The following SRRM1 variants were observed in gnomAD, a reference collection of about 807,000 sequenced individuals.
SRRM1 encodes serine/arginine repetitive matrix protein 1.
SRRM1 carries 19 observed loss-of-function variants against 110.2 expected under a neutral mutation model. The observed-to-expected ratio is 0.17, with a 90% CI of 0.12 to 0.25. The LOEUF is 0.25. Ranked by LOEUF, SRRM1 falls within the 10% of genes least tolerant of loss-of-function variation. The probability of loss-of-function intolerance (pLI) is 1.00; values close to 1 mark genes in which losing one functional copy is unlikely to be tolerated. For synonymous variants in SRRM1, 443 were observed against 414.9 expected, an observed-to-expected ratio of 1.07 and a Z score of -0.82; for missense variants, 918 against 1,145.8, an observed-to-expected ratio of 0.80 and a Z score of 2.87.
At chr1:24,669,930 G>T (rs1049397399) in intron 14 of SRRM1, 190 bp from the exon 15 acceptor site, 4 of 597,604 alleles carry the variant, frequency 6.7e-6, no homozygotes, top group Non-Finnish European at 1.2e-5. Flanking sequence ...ATAGATAGAG[G>T]ATTATGGGGC....
intron 12 of SRRM1, among the ~76,000 whole-genome samples, chr1:24,665,827 T>C (rs993219397): frequency 2.6e-5 from 4 of 152,234 alleles, no homozygotes; most frequent in African/African-American, 9.6e-5. Context: ...GTGGTGACTT[T>C]TAGGATTTTG....
chr1:24,652,386 C>A (rs770768135), intron 6 of SRRM1, 48 bp from the exon 7 acceptor site: 4 of 1,304,024 alleles, frequency 3.1e-6, no homozygotes, highest in Non-Finnish European at 3.1e-6. Context: ...ATTTAGAAGG[C>A]TGAGTACAAG....
chr1:24,649,594 A>T (rs535483894), intron 4 of SRRM1, among the ~76,000 whole-genome samples: 4 of 152,384 alleles, frequency 2.6e-5, no homozygotes, highest in African/African-American at 9.6e-5. Context: ...GACGTGAGCC[A>T]CCGTGCCCAG....
intron 8 of SRRM1, among the ~76,000 whole-genome samples, chr1:24,653,629 G>C (rs1422828678): frequency 6.6e-6 from 1 of 152,056 alleles, no homozygotes; most frequent in African/African-American, 2.4e-5. Flanking sequence ...AACTGTACCA[G>C]TGTTCTTTTT....
rs77049289 is a variant in SRRM1 at position 24,643,992 on chromosome 1, C to T, written c.21+645C>T. 4.7e-3 allele frequency among the ~76,000 whole-genome samples: 717 copies of T among 152,244 alleles called. 6 individuals are homozygous for T. The highest frequency in any genetic ancestry group is 0.017 in the South Asian group (81 of 4,822). On this transcript the variant is annotated intron_variant, in intron 1 of 16. Transcript: ENST00000323848. Reference sequence around the variant, plus strand: ...GTTGGGACAATGTGAATTTAAGGTTCTGTGAGGGTAGAGGGTGCAACGAAA... The same window carrying T: ...GTTGGGACAATGTGAATTTAAGGTTTTGTGAGGGTAGAGGGTGCAACGAAA...
At chr1:24,668,431 A>G (rs1022230059) in intron 13 of SRRM1, among the ~76,000 whole-genome samples, 2 of 152,226 alleles carry the variant, frequency 1.3e-5, no homozygotes, top group Non-Finnish European at 2.9e-5. Context: ...ACCCAGATAC[A>G]GTGATGAAAT....
At chr1:24,658,208 ATTTT>A (rs573100578) in intron 9 of SRRM1, among the ~76,000 whole-genome samples, 6 of 137,502 alleles carry the variant, frequency 4.4e-5, no homozygotes, top group East Asian at 2.0e-4. Flanking sequence ...GATGGTATAA[ATTTT>A]TTTTTTTTTT....
intron 9 of SRRM1, among the ~76,000 whole-genome samples, chr1:24,657,974 G>T (rs1211413398): frequency 6.6e-6 from 1 of 152,152 alleles, no homozygotes; most frequent in South Asian, 2.1e-4. Context: ...TAATAGGACT[G>T]TTGGAGTAAA....
Position 24,652,423 on chromosome 1 carries a change from T to C in SRRM1, c.726-11T>C. ...AGGCAAAAAAAAAAAAAAAAGCTTTTGTTTCCACAGTGACATTCTGAAAGT... is the reference window on the plus strand; with the variant it reads ...AGGCAAAAAAAAAAAAAAAAGCTTTCGTTTCCACAGTGACATTCTGAAAGT... On this transcript the variant is annotated splice_polypyrimidine_tract_variant and intron_variant, in intron 6 of 16. Transcript: ENST00000323848. The C allele has an allele frequency of 6.6e-7, 1 of 1,526,160 alleles. No individual in the cohort carries two copies. Among genetic ancestry groups the C allele is most frequent in the Admixed American group, 2.3e-5 (1 of 43,786 alleles). 94.5% of individuals were successfully genotyped at this position (1,526,160 alleles called of 1,614,324 possible).
At chr1:24,656,979 A>G (rs1664497475) in intron 9 of SRRM1, among the ~76,000 whole-genome samples, 1 of 152,190 alleles carries the variant, frequency 6.6e-6, no homozygotes, top group Non-Finnish European at 1.5e-5. Flanking sequence ...TTCCGTGTTC[A>G]AACAACCTAC....
At chr1:24,666,764 C>G in intron 12 of SRRM1, 51 bp from the exon 13 acceptor site, 1 of 1,456,540 alleles carries the variant, frequency 6.9e-7, no homozygotes, top group Non-Finnish European at 9.5e-7. Flanking sequence ...GACGCCATCA[C>G]ACACACACAA....
chr1:24,664,247 C>T (rs1233727599), intron 12 of SRRM1, among the ~76,000 whole-genome samples: 5 of 152,146 alleles, frequency 3.3e-5, no homozygotes, highest in East Asian at 1.9e-4. Context: ...CCACCCGCCT[C>T]GGCCTCCCAA....
intron 2 of SRRM1, 96 bp from the exon 3 acceptor site, chr1:24,646,571 A>G (rs990113719): frequency 1.5e-5 from 17 of 1,140,610 alleles, no homozygotes; most frequent in Middle Eastern, 3.0e-4. Flanking sequence ...AAACAAAAAA[A>G]CTAAGCTAAA....
At chr1:24,649,128 G>GT (rs1659106721) in intron 4 of SRRM1, 99 bp downstream of exon 4, 6 of 1,149,658 alleles carry the variant, frequency 5.2e-6, no homozygotes, top group Non-Finnish European at 7.5e-6. Flanking sequence ...TCTTCATGTA[G>GT]TTTTGCTTTG....
Position 24,643,306 on chromosome 1 carries a change from A to C in SRRM1, c.-21A>C. 2 of 1,564,624 alleles carry C rather than the reference A, an allele frequency of 1.3e-6. No individual in the cohort carries two copies. The highest frequency in any genetic ancestry group is 1.7e-6 in the Non-Finnish European group (2 of 1,159,768). On this transcript the variant is annotated 5_prime_UTR_variant, in exon 1 of 17. Transcript: ENST00000323848. ...GCGGTGTACCCTGGGATAGGGAGCG[A>C]TCTCCGAGCGAGGCGGCAAGATGGA...
intron 6 of SRRM1, 35 bp from the exon 7 acceptor site, chr1:24,652,399 G>T: frequency 7.6e-7 from 1 of 1,310,938 alleles, no homozygotes; most frequent in South Asian, 1.5e-5. Flanking sequence ...AGTACAAGAA[G>T]GCAAAAAAAA....
intron 1 of SRRM1, 127 bp from the exon 2 acceptor site, chr1:24,645,857 C>T (rs1042947589): frequency 1.5e-6 from 1 of 655,480 alleles, no homozygotes; most frequent in Non-Finnish European, 2.6e-6. Flanking sequence ...ATGCATTTCT[C>T]ATCTATGAAA....
At chr1:24,665,773 C>A (rs1025580329) in intron 12 of SRRM1, among the ~76,000 whole-genome samples, 1 of 152,164 alleles carries the variant, frequency 6.6e-6, no homozygotes, top group Non-Finnish European at 1.5e-5. Context: ...AGTGTGAGGT[C>A]TTAGTCCCCA....
chr1:24,670,052 TTGG>T (rs1310262850), intron 14 of SRRM1, 65 bp from the exon 15 acceptor site: 1 of 1,353,926 alleles, frequency 7.4e-7, no homozygotes, highest in African/African-American at 1.5e-5. Flanking sequence ...TACAGTGTAG[TTGG>T]TGGTTTTCTC....
Sources: gnomAD v4.1 joint callset for allele counts (sites outside exome capture counted in the v4.1 genomes callset) on GRCh38, gnomAD v4.1.1 for gene constraint, MANE v1.5 for transcripts, NCBI Gene and HGNC (gene_info 2026-07-23, HGNC 2026-07-21) for gene names.